CCDC85C: variants seen among roughly 807,000 people sequenced by gnomAD.
CCDC85C encodes coiled-coil domain-containing protein 85C.
In CCDC85C, 18 loss-of-function variants were observed where a neutral mutation model predicts 38.3. The ratio of observed to expected loss-of-function variants is 0.47; its 90% CI spans 0.33 to 0.70. The LOEUF (loss-of-function observed/expected upper bound fraction) is 0.70, where lower values mean the gene tolerates loss of function less well. CCDC85C is among the 30% of genes least tolerant of loss of function. The pLI is 0.03. For synonymous variants in CCDC85C, 264 were observed against 293.8 expected (o/e 0.90, Z 1.04); for missense variants, 566 against 621.2 (o/e 0.91, Z 0.94).
At position 99,532,709 on chromosome 14, in the gene CCDC85C, G is replaced by A. The variant is rs1189969583; in HGVS notation, c.867+3306C>T. Among the ~76,000 whole-genome samples, 4 of 151,856 alleles carry A rather than the reference G, an allele frequency of 2.6e-5. No individual in the cohort carries two copies. In the East Asian group the frequency reaches 7.7e-4, roughly 29 times the overall value. On this transcript the variant is annotated intron_variant, in intron 2 of 5. Transcript: ENST00000380243. Reference sequence around the variant, plus strand: ...TCTCTCTCCTGCATGGCTCAGAACAGCAGTGCCTTCCTCCATGGCCAGCAG... The same window carrying A: ...TCTCTCTCCTGCATGGCTCAGAACAACAGTGCCTTCCTCCATGGCCAGCAG...
chr14:99,556,538 G>A (rs1390470527), intron 1 of CCDC85C, among the ~76,000 whole-genome samples: 1 of 151,774 alleles, frequency 6.6e-6, no homozygotes, highest in Non-Finnish European at 1.5e-5. Context: ...CTTTTTTTGC[G>A]ACAGTATCTC....
chr14:99,524,026 C>A (rs1408108316), intron 2 of CCDC85C, among the ~76,000 whole-genome samples: 1 of 133,380 alleles, frequency 7.5e-6, no homozygotes, highest in Non-Finnish European at 1.6e-5. Flanking sequence ...CCCCTCCCCC[C>A]ACCCCATCAG....
rs533274971 is a variant in CCDC85C, at chr14:99,570,495, C to T, written c.793+32672G>A. 1.4e-3 allele frequency among the ~76,000 whole-genome samples: 207 copies of T among 152,286 alleles called. 1 individual carries two copies. Among genetic ancestry groups the T allele is most frequent in the African/African-American group, 4.6e-3 (191 of 41,570 alleles). On this transcript the variant is annotated intron_variant, in intron 1 of 5. Coordinates refer to ENST00000380243, the MANE Select transcript of CCDC85C (RefSeq NM_001144995.2). ...GAGTCACGGCAGGGGCCAGAGGGGC[C>T]CAGGCAGAGCCCAGACGGCAGGGGC...
chr14:99,539,165 A>C (rs756159644), intron 1 of CCDC85C, among the ~76,000 whole-genome samples: 56 of 152,222 alleles, frequency 3.7e-4, no homozygotes, highest in Middle Eastern at 3.2e-3. Context: ...TTCCAGTGGA[A>C]TCTATCCTAA....
chr14:99,516,139 G>T lies in CCDC85C; in HGVS notation c.1170+49C>A. ...GGTATGGCCATGCTGGGTGGCCCTG[G>T]TCGCACTCCCAGTGCCAAGCCTCTG... On this transcript the variant is annotated intron_variant, in intron 5 of 5. Coordinates refer to ENST00000380243, the MANE Select transcript of CCDC85C (RefSeq NM_001144995.2). The surrounding 1 kb of genome is among the most constrained non-coding windows in gnomAD (Gnocchi z 5.5). 1 of 1,423,730 alleles carries T rather than the reference G, an allele frequency of 7.0e-7. No individual in the cohort carries two copies. The highest frequency in any genetic ancestry group is 9.7e-7 in the Non-Finnish European group (1 of 1,032,194). 88.2% of individuals were successfully genotyped at this position (1,423,730 alleles called of 1,614,324 possible).
In CCDC85C at chr14:99,500,680, T is replaced by G; in HGVS notation, c.*14566A>C. 2 of 872,098 alleles carry G rather than the reference T, an allele frequency of 2.3e-6. No homozygotes were observed. The highest frequency in any genetic ancestry group is 2.2e-4 in the Middle Eastern group (1 of 4,548). 54.0% of individuals were successfully genotyped at this position (872,098 alleles called of 1,614,324 possible). On this transcript the variant is annotated 3_prime_UTR_variant, in exon 6 of 6. Coordinates refer to ENST00000380243, the MANE Select transcript of CCDC85C (RefSeq NM_001144995.2). The stretch of plus-strand genomic sequence containing the variant: ...GCTAAAATATAACTTGAAGAGAGAA[T>G]AAATAGACAGGAAAGCTCACTTTTG...
intron 2 of CCDC85C, among the ~76,000 whole-genome samples, chr14:99,526,068 G>A (rs776396514): frequency 1.2e-4 from 19 of 152,206 alleles, no homozygotes; most frequent in Non-Finnish European, 2.4e-4. Context: ...GCCAATGACT[G>A]TGTCTGACTT....
intron 3 of CCDC85C, 68 bp downstream of exon 3, chr14:99,522,065 G>A: frequency 7.8e-7 from 1 of 1,274,492 alleles, no homozygotes; most frequent in Non-Finnish European, 1.1e-6. Flanking sequence ...CTCCGGGCAG[G>A]TCACTGGCCC....
At position 99,536,043 on chromosome 14, in the gene CCDC85C, A is replaced by G. The variant is rs777088372; in HGVS notation, c.839T>C (p.Leu280Pro). ...TGCGAGGAGCTTGTCACCCTCCAGC[A>G]GCCTCACTTTGCTCTCCAGTTGCCT... ...YIRQLESKVR[L>P]LEGDKLLAQQ... The change falls in exon 2 of 6, where the codon CTG becomes CCG. Residue 280 changes from leucine to proline, a missense_variant. Transcript: ENST00000380243. 2.5e-5 allele frequency: 39 copies of G among 1,551,500 alleles called. No homozygotes were observed. The highest frequency in any genetic ancestry group is 3.4e-5 in the Non-Finnish European group (39 of 1,146,944).
At chr14:99,595,152 G>A (rs1251075822) in intron 1 of CCDC85C, among the ~76,000 whole-genome samples, 1 of 152,130 alleles carries the variant, frequency 6.6e-6, no homozygotes, top group Non-Finnish European at 1.5e-5. Context: ...CTTGTCCTGG[G>A]TCCCCACTCA....
rs1332720569 is a variant in CCDC85C, at chr14:99,516,310, CAG to C, written c.1072-26_1072-25del. 1 of 1,530,788 alleles carries C rather than the reference CAG, an allele frequency of 6.5e-7. No homozygotes were observed. The highest frequency in any genetic ancestry group is 8.9e-7 in the Non-Finnish European group (1 of 1,129,002). The allele number at this position is 1,530,788 out of a possible 1,614,324, so 94.8% of individuals were successfully genotyped here. ...ACCTGAAGGGAACGGGTCTCGGGGT[CAG>C]GGGCAGAGGCCACCGGCAGACCTCG... On this transcript the variant is annotated intron_variant, in intron 4 of 5. Coordinates refer to ENST00000380243, the MANE Select transcript of CCDC85C (RefSeq NM_001144995.2). This position sits in a 1 kb window ranked among gnomAD's most constrained non-coding sequence, Gnocchi z 5.5.
In CCDC85C at chr14:99,512,787, A is replaced by T. The variant is rs1454265482; in HGVS notation, c.*2459T>A. 6.6e-6 allele frequency: 1 copy of T among 152,186 alleles called. No individual in the cohort carries two copies. Among genetic ancestry groups the T allele is most frequent in the Non-Finnish European group, 1.5e-5 (1 of 68,038 alleles). 9.4% of individuals were successfully genotyped at this position (152,186 alleles called of 1,614,324 possible). A position where few individuals can be genotyped will look rare whatever the true frequency, so the allele number is the denominator to read the frequency against. ...AAGGAAGGGGGTCGCCCTGCTAGTGACGGAGCTGGGAGTCACCCTGAGCTA... is the reference window on the plus strand; with the variant it reads ...AAGGAAGGGGGTCGCCCTGCTAGTGTCGGAGCTGGGAGTCACCCTGAGCTA... On this transcript the variant is annotated 3_prime_UTR_variant, in exon 6 of 6. Transcript: ENST00000380243.
chr14:99,522,740 C>T (rs1000781603), intron 2 of CCDC85C: 1 of 154,294 alleles, frequency 6.5e-6, no homozygotes, highest in Non-Finnish European at 1.4e-5. Context: ...CCTCCCCCAT[C>T]GGATGGGCAG....
At chr14:99,597,383 C>T (rs934861500) in intron 1 of CCDC85C, among the ~76,000 whole-genome samples, 2 of 152,192 alleles carry the variant, frequency 1.3e-5, no homozygotes, top group African/African-American at 4.8e-5. Flanking sequence ...TGGGCATTTT[C>T]CCTTCCCAGT....
intron 1 of CCDC85C, among the ~76,000 whole-genome samples, chr14:99,539,921 C>A (rs1239681865): frequency 2.0e-5 from 3 of 151,952 alleles, no homozygotes; most frequent in African/African-American, 7.2e-5. Flanking sequence ...CCGAGGCGGG[C>A]GGATCACCTA....
rs866378204 is a variant in CCDC85C at position 99,517,129 on chromosome 14, G to A, written c.1030C>T (p.Pro344Ser). 9.7e-6 allele frequency: 15 copies of A among 1,550,272 alleles called. No homozygotes were observed. In the South Asian group the frequency reaches 1.1e-4, roughly 11 times the overall value. ...ACAGCCTCGGGCTTCTGTCCTGCAG[G>A]GCTGTAGCCAGCAGAGGGGGGCGAG... ...LPSPPSAGYSPAGQKPEAVVH... is the reference protein window; with the variant it reads ...LPSPPSAGYSSAGQKPEAVVH... The change falls in exon 4 of 6, where the codon CCT becomes TCT. Residue 344 changes from proline (P) to serine (S), a missense_variant. Around this residue, in one of 3 missense-constraint regions of CCDC85C, gnomAD observed 286 missense variants for 276.4 expected, o/e 1.03. Transcript: ENST00000380243.
At chr14:99,592,053 G>A (rs757865871) in intron 1 of CCDC85C, among the ~76,000 whole-genome samples, 14 of 152,168 alleles carry the variant, frequency 9.2e-5, no homozygotes, top group African/African-American at 3.4e-4. Flanking sequence ...GTTTCTTTCC[G>A]TGGACAAGTA....
At chr14:99,534,290 G>C (rs1467748485) in intron 2 of CCDC85C, among the ~76,000 whole-genome samples, 1 of 152,026 alleles carries the variant, frequency 6.6e-6, no homozygotes, top group Non-Finnish European at 1.5e-5. Flanking sequence ...GGGAGACAGA[G>C]GGTTGTGGTG....
Position 99,502,529 on chromosome 14 carries a change from C to T in CCDC85C, c.*12717G>A. 1 of 1,337,184 alleles carries T rather than the reference C, an allele frequency of 7.5e-7. No individual in the cohort carries two copies. Among genetic ancestry groups the T allele is most frequent in the South Asian group, 1.5e-5 (1 of 65,018 alleles). The allele number at this position is 1,337,184 out of a possible 1,614,324, so 82.8% of individuals were successfully genotyped here. On this transcript the variant is annotated 3_prime_UTR_variant, in exon 6 of 6. Coordinates refer to ENST00000380243, the MANE Select transcript of CCDC85C (RefSeq NM_001144995.2). ...TAATTAAATTATCTAATAGTTTCCACTTTGTCCAAACACATACTTTTGGTA... is the reference window on the plus strand; with the variant it reads ...TAATTAAATTATCTAATAGTTTCCATTTTGTCCAAACACATACTTTTGGTA...
Sources: gnomAD v4.1 joint callset for allele counts (sites outside exome capture counted in the v4.1 genomes callset) on GRCh38, gnomAD v4.1.1 for gene constraint, gnomAD v4.1.1 regional missense constraint, Gnocchi (gnomAD v3.1) non-coding constraint, MANE v1.5 for transcripts, NCBI Gene and HGNC (gene_info 2026-07-23, HGNC 2026-07-21) for gene names.